Variants in TRIM44 observed in about 807,000 individuals in gnomAD.
The protein encoded by TRIM44 is tripartite motif-containing protein 44.
A neutral mutation model predicts 37.4 loss-of-function variants in TRIM44; 13 were observed. That is an observed-to-expected ratio of 0.35 (90% CI 0.23 to 0.55). TRIM44 has a LOEUF of 0.55. Among genes scored for constraint, TRIM44 ranks in the 20% least tolerant of loss-of-function variants. The pLI is 0.89. For missense variants in TRIM44, 426 were observed against 437.2 expected (o/e 0.97, Z 0.23); for synonymous variants, 175 against 157.2 (o/e 1.11, Z -0.85).
intron 4 of TRIM44, among the ~76,000 whole-genome samples, chr11:35,763,606 T>A (rs1236518311): frequency 6.6e-6 from 1 of 152,202 alleles, no homozygotes; most frequent in Non-Finnish European, 1.5e-5. Flanking sequence ...GCTCTATTCC[T>A]CTGGCTCTAA....
rs758766019 is a variant in TRIM44 at position 35,809,362 on chromosome 11, G to A, written c.*2977G>A. On this transcript the variant is annotated 3_prime_UTR_variant, in exon 5 of 5. Coordinates refer to ENST00000299413, the MANE Select transcript of TRIM44 (RefSeq NM_017583.6). ...ACCATGGTCCACCTAAAAACAGAAG[G>A]ATAAAAAGACTTCAGGTTTTCCCAC... The A allele has an allele frequency of 5.9e-5, 9 of 152,164 alleles. No homozygotes were observed. Among genetic ancestry groups the A allele is most frequent in the African/African-American group, 2.2e-4 (9 of 41,436 alleles). The allele number at this position is 152,164 out of a possible 1,614,324, so 9.4% of individuals were successfully genotyped here. A position where few individuals can be genotyped will look rare whatever the true frequency, so the allele number is the denominator to read the frequency against.
At chr11:35,745,801 G>A (rs113327303) in intron 4 of TRIM44, among the ~76,000 whole-genome samples, 4 of 152,166 alleles carry the variant, frequency 2.6e-5, no homozygotes, top group African/African-American at 9.6e-5. Context: ...TTCACCTAAG[G>A]TGCACATCTT....
chr11:35,760,579 G>A (rs1157463160), intron 4 of TRIM44, among the ~76,000 whole-genome samples: 5 of 152,208 alleles, frequency 3.3e-5, no homozygotes, highest in Non-Finnish European at 5.9e-5. Context: ...CTCGTCTTCT[G>A]CGTCACTCAT....
At chr11:35,728,483 G>A (rs1852213853) in intron 3 of TRIM44, among the ~76,000 whole-genome samples, 1 of 152,200 alleles carries the variant, frequency 6.6e-6, no homozygotes, top group South Asian at 2.1e-4. Flanking sequence ...GAGCTGACAA[G>A]GCTTAAGGAC....
rs1242509408 is a variant in TRIM44, at chr11:35,807,334, T to C, written c.*949T>C. On this transcript the variant is annotated 3_prime_UTR_variant, in exon 5 of 5. Coordinates refer to ENST00000299413, the MANE Select transcript of TRIM44 (RefSeq NM_017583.6). ...GCAGTATGGGGAGAATTGTTCCCAT[T>C]CCATGTGTTCTGAATTCAGCTCATC... is the stretch of plus-strand genomic sequence containing the variant. The C allele has an allele frequency of 6.6e-6, 1 of 152,164 alleles. No homozygotes were observed. The highest frequency in any genetic ancestry group is 1.5e-5 in the Non-Finnish European group (1 of 68,030). 9.4% of individuals were successfully genotyped at this position (152,164 alleles called of 1,614,324 possible).
intron 4 of TRIM44, among the ~76,000 whole-genome samples, chr11:35,784,218 T>C (rs1299680052): frequency 2.0e-5 from 3 of 152,206 alleles, no homozygotes; most frequent in Admixed American, 6.5e-5. Context: ...TAGGCCAGAA[T>C]GCTCCAGACA....
chr11:35,788,013 C>T (rs907427005), intron 4 of TRIM44, among the ~76,000 whole-genome samples: 2 of 152,288 alleles, frequency 1.3e-5, no homozygotes, highest in Middle Eastern at 3.4e-3. Flanking sequence ...CATGCTTATT[C>T]CCTTGATTAG....
chr11:35,764,089 G>C (rs1852761864), intron 4 of TRIM44, among the ~76,000 whole-genome samples: 1 of 152,190 alleles, frequency 6.6e-6, no homozygotes. Context: ...TCAAGGGCAT[G>C]CTTCTTCCTC....
intron 2 of TRIM44, among the ~76,000 whole-genome samples, chr11:35,713,328 G>T (rs988404745): frequency 6.6e-6 from 1 of 152,118 alleles, no homozygotes; most frequent in Non-Finnish European, 1.5e-5. Context: ...AAGAAACAAA[G>T]ATTTAAGAGG....
intron 1 of TRIM44, among the ~76,000 whole-genome samples, chr11:35,681,243 T>C (rs1037114868): frequency 6.6e-6 from 1 of 152,198 alleles, no homozygotes; most frequent in African/African-American, 2.4e-5. Context: ...AGCCATTTTT[T>C]TCAGCTGTAA....
Position 35,817,257 on chromosome 11 carries a change from A to G in TRIM44, c.*10872A>G, listed in dbSNP as rs1853591375. On this transcript the variant is annotated 3_prime_UTR_variant, in exon 5 of 5. Transcript: ENST00000299413. ...ATGAGTGTCCAAAGCAGGTGGCACC[A>G]CCAAAAGGCACCTTCTTTTCCCATG... is the stretch of plus-strand genomic sequence containing the variant. 6.6e-6 allele frequency: 1 copy of G among 152,190 alleles called. No individual in the cohort carries two copies. The highest frequency in any genetic ancestry group is 1.5e-5 in the Non-Finnish European group (1 of 68,028). The allele number at this position is 152,190 out of a possible 1,614,324, so 9.4% of individuals were successfully genotyped here. A position where few individuals can be genotyped will look rare whatever the true frequency, so the allele number is the denominator to read the frequency against.
At chr11:35,766,890 G>A (rs1852805380) in intron 4 of TRIM44, among the ~76,000 whole-genome samples, 1 of 152,210 alleles carries the variant, frequency 6.6e-6, no homozygotes, top group African/African-American at 2.4e-5. Context: ...GTAAAGCACT[G>A]TGCAAATGAG....
chr11:35,711,230 A>G (rs1851967543), intron 2 of TRIM44, among the ~76,000 whole-genome samples: 1 of 152,120 alleles, frequency 6.6e-6, no homozygotes, highest in Non-Finnish European at 1.5e-5. Flanking sequence ...GAAAGAGAAC[A>G]AGATTACTGC....
intron 2 of TRIM44, among the ~76,000 whole-genome samples, chr11:35,702,730 C>T (rs1708508374): frequency 6.6e-6 from 1 of 152,206 alleles, no homozygotes; most frequent in African/African-American, 2.4e-5. Context: ...CATTAACAAT[C>T]AAGTGTCATT....
At chr11:35,684,219 T>C (rs1851549782) in intron 1 of TRIM44, among the ~76,000 whole-genome samples, 1 of 152,176 alleles carries the variant, frequency 6.6e-6, no homozygotes, top group South Asian at 2.1e-4. Flanking sequence ...TTTAAATTGA[T>C]TGGGCTGTAA....
intron 4 of TRIM44, among the ~76,000 whole-genome samples, chr11:35,767,971 T>C (rs1852819189): frequency 6.6e-6 from 1 of 152,212 alleles, no homozygotes; most frequent in Admixed American, 6.5e-5. Flanking sequence ...GACTTCTTTC[T>C]AAAACCACGG....
intron 4 of TRIM44, among the ~76,000 whole-genome samples, chr11:35,799,326 G>A (rs545757013): frequency 5.9e-5 from 9 of 152,208 alleles, no homozygotes; most frequent in Non-Finnish European, 1.2e-4. Flanking sequence ...CAGAGTGTGG[G>A]CCTGAGGTCA....
chr11:35,663,854 G>A, intron 1 of TRIM44, 74 bp downstream of exon 1: 1 of 1,497,698 alleles, frequency 6.7e-7, no homozygotes, highest in Non-Finnish European at 8.9e-7. Flanking sequence ...GCCTGGCTGT[G>A]ACCACATTCG....
At position 35,663,660 on chromosome 11, in the gene TRIM44, G is replaced by C. The variant is rs1156526646; in HGVS notation, c.549G>C (p.Gly183=). The change falls in exon 1 of 5, where the codon GGG becomes GGC. Residue 183 remains glycine (G), a synonymous_variant. Transcript: ENST00000299413. ...CCAAGAGGAAGTGTCCGGACCATGG[G>C]CTTGATTTGAGTACCTATTGCCAGG... ...RVAKRKCPDH[G]LDLSTYCQED... The C allele has an allele frequency of 6.2e-7, 1 of 1,614,066 alleles. No homozygotes were observed. Among genetic ancestry groups the C allele is most frequent in the Non-Finnish European group, 8.5e-7 (1 of 1,180,050 alleles).
Sources: gnomAD v4.1 joint callset for allele counts (sites outside exome capture counted in the v4.1 genomes callset) on GRCh38, gnomAD v4.1.1 for gene constraint, MANE v1.5 for transcripts, NCBI Gene and HGNC (gene_info 2026-07-23, HGNC 2026-07-21) for gene names.